The following PTPN2 variants were observed in gnomAD, a reference collection of about 807,000 sequenced individuals.
PTPN2 encodes the protein tyrosine-protein phosphatase non-receptor type 2.
In PTPN2, 19 loss-of-function variants were observed where a neutral mutation model predicts 57.3. The ratio of observed to expected loss-of-function variants is 0.33; its 90% CI spans 0.23 to 0.49. PTPN2 has a LOEUF of 0.49. Among genes scored for constraint, PTPN2 ranks in the 20% least tolerant of loss-of-function variants. PTPN2 has a pLI of 0.99. For synonymous variants in PTPN2, 153 were observed against 164.9 expected, an observed-to-expected ratio of 0.93 and a Z score of 0.55; for missense variants, 358 against 501.1, an observed-to-expected ratio of 0.71 and a Z score of 2.73.
chr18:12,805,887 C>CA (rs2041631513), intron 7 of PTPN2, among the ~76,000 whole-genome samples: 1 of 152,124 alleles, frequency 6.6e-6, no homozygotes, highest in South Asian at 2.1e-4. Flanking sequence ...CTCAGCCCCC[C>CA]AAAGTGCTGG....
Position 12,794,220 on chromosome 18 carries a change from T to C in PTPN2, c.*58A>G. On this transcript the variant is annotated 3_prime_UTR_variant, in exon 9 of 9. Transcript: ENST00000309660. ...GGCGTTTGCTGCAGACAAACCCCTA[T>C]GATTAATGTAGCACTGTCAGTTACT... The C allele has an allele frequency of 6.2e-7, 1 of 1,604,806 alleles. No homozygotes were observed. Among genetic ancestry groups the C allele is most frequent in the South Asian group, 1.1e-5 (1 of 89,846 alleles).
chr18:12,797,341 C>T (rs1435584563), intron 8 of PTPN2, among the ~76,000 whole-genome samples: 9 of 151,790 alleles, frequency 5.9e-5, no homozygotes, highest in Non-Finnish European at 1.2e-4. Context: ...TTGTCATTTA[C>T]CATACAAGCC....
chr18:12,798,012 C>G lies in PTPN2; in HGVS notation c.1041-3527G>C, dbSNP rs540026506. ...GAGTGTTGGGATTACAGGCATGAGCCACTCTGCCTGCTCCAGACTTTTCGT... is the reference window on the plus strand; with the variant it reads ...GAGTGTTGGGATTACAGGCATGAGCGACTCTGCCTGCTCCAGACTTTTCGT... On this transcript the variant is annotated intron_variant, in intron 8 of 8. Coordinates refer to ENST00000309660, the MANE Select transcript of PTPN2 (RefSeq NM_002828.4). Among the ~76,000 whole-genome samples, 11 of 152,290 alleles carry G rather than the reference C, an allele frequency of 7.2e-5. No individual in the cohort carries two copies. The South Asian group carries it at 2.3e-3, about 32-fold the overall frequency.
chr18:12,881,828 C>A (rs1380621649), intron 1 of PTPN2, among the ~76,000 whole-genome samples: 1 of 152,220 alleles, frequency 6.6e-6, no homozygotes, highest in Non-Finnish European at 1.5e-5. Context: ...ACATGTATCA[C>A]TTTAACGTTT....
At chr18:12,870,775 C>G (rs974568805) in intron 1 of PTPN2, among the ~76,000 whole-genome samples, 2 of 151,806 alleles carry the variant, frequency 1.3e-5, no homozygotes, top group Non-Finnish European at 2.9e-5. Flanking sequence ...TCCCAAAGTG[C>G]TGAGATTACA....
intron 2 of PTPN2, chr18:12,841,018 T>A: frequency 7.3e-7 from 1 of 1,378,814 alleles, no homozygotes; most frequent in Non-Finnish European, 9.5e-7. Flanking sequence ...CCTATAGGGA[T>A]CTAAAGGTAA....
chr18:12,813,045 G>A (rs1313817601), intron 7 of PTPN2, among the ~76,000 whole-genome samples: 1 of 151,264 alleles, frequency 6.6e-6, no homozygotes, highest in Non-Finnish European at 1.5e-5. Flanking sequence ...GCAGTGGTAG[G>A]AAAGACACAA....
chr18:12,883,882 T>C (rs1342604608), intron 1 of PTPN2, 191 bp downstream of exon 1: 1 of 507,018 alleles, frequency 2.0e-6, no homozygotes, highest in African/African-American at 2.1e-5. Flanking sequence ...TTTTTTTTTT[T>C]TTTTTTTAAA....
At chr18:12,828,350 A>G (rs1237778651) in intron 4 of PTPN2, among the ~76,000 whole-genome samples, 1 of 152,254 alleles carries the variant, frequency 6.6e-6, no homozygotes, top group Non-Finnish European at 1.5e-5. Context: ...TTGTAGAACT[A>G]AGAGTCTACA....
chr18:12,883,829 AC>A (rs1381691127), intron 1 of PTPN2: 2 of 373,320 alleles, frequency 5.4e-6, no homozygotes, highest in African/African-American at 4.3e-5. Flanking sequence ...TCCAGAACTA[AC>A]TGCGCTTGCG....
chr18:12,880,014 C>G (rs2044615769), intron 1 of PTPN2, among the ~76,000 whole-genome samples: 1 of 152,180 alleles, frequency 6.6e-6, no homozygotes, highest in Non-Finnish European at 1.5e-5. Context: ...TCATTTGCTG[C>G]TGTATGACAT....
intron 8 of PTPN2, among the ~76,000 whole-genome samples, chr18:12,801,170 G>C (rs770614499): frequency 5.3e-5 from 8 of 152,162 alleles, no homozygotes; most frequent in Non-Finnish European, 8.8e-5. Flanking sequence ...AGCTCCTTAA[G>C]AACACCTTTG....
At chr18:12,836,961 C>T (rs1320592536) in intron 2 of PTPN2, 70 bp from the exon 3 acceptor site, 10 of 896,510 alleles carry the variant, frequency 1.1e-5, no homozygotes, top group Non-Finnish European at 1.7e-5. Context: ...TATTAATATT[C>T]TAGGTATTTA....
chr18:12,870,358 TATATGTGTATATATACATATATATAC>T lies in PTPN2; in HGVS notation c.70-11130_70-11105del, dbSNP rs1568168940. On this transcript the variant is annotated intron_variant, in intron 1 of 8. Transcript: ENST00000309660. Reference sequence around the variant, plus strand: ...ATATATATACATATATATGTGTATATATATGTGTATATATACATATATATACGTATATATGTATATATACACGTATA... The same window carrying T: ...ATATATATACATATATATGTGTATATGTATATATGTATATATACACGTATA... Among the ~76,000 whole-genome samples, 55 of 45,112 alleles carry T rather than the reference TATATGTGTATATATACATATATATAC, an allele frequency of 1.2e-3. 4 individuals are homozygous for T. The highest frequency in any genetic ancestry group is 3.4e-4 in the Non-Finnish European group (9 of 26,090). 29.6% of individuals were successfully genotyped at this position (45,112 alleles called of 152,430 possible).
At chr18:12,787,475 G>A (rs540017810), downstream of PTPN2, 6 of 152,310 alleles carry the variant, frequency 3.9e-5, no homozygotes, top group East Asian at 9.6e-4. Context: ...ATTTAAGCTG[G>A]CTGGCAGAAT....
In PTPN2 at chr18:12,823,795, G is replaced by A. The variant is rs543718115; in HGVS notation, c.495+2015C>T. Among the ~76,000 whole-genome samples the A allele has an allele frequency of 3.8e-4, 58 of 151,982 alleles. 1 individual carries two copies. Among genetic ancestry groups the A allele is most frequent in the Non-Finnish European group, 2.9e-4 (20 of 67,970 alleles). On this transcript the variant is annotated intron_variant, in intron 5 of 8. Coordinates refer to ENST00000309660, the MANE Select transcript of PTPN2 (RefSeq NM_002828.4). ...TATTATTTTTTATAATATAAAATAC[G>A]GGGATAATAAGAATATTTACACTAT...
chr18:12,822,239 A>G (rs1330677058), intron 5 of PTPN2, among the ~76,000 whole-genome samples: 7 of 152,178 alleles, frequency 4.6e-5, no homozygotes, highest in Non-Finnish European at 1.0e-4. Flanking sequence ...GCTAAGCATC[A>G]TAATAATTAG....
At chr18:12,813,999 A>G (rs138600867) in intron 7 of PTPN2, among the ~76,000 whole-genome samples, 15 of 152,352 alleles carry the variant, frequency 9.8e-5, no homozygotes, top group Non-Finnish European at 2.2e-4. Context: ...AGGGCTTTTA[A>G]GTAACACACA....
intron 1 of PTPN2, among the ~76,000 whole-genome samples, chr18:12,882,940 A>C (rs1046080019): frequency 6.6e-6 from 1 of 152,254 alleles, no homozygotes; most frequent in Non-Finnish European, 1.5e-5. Context: ...ATAATACGAC[A>C]AGGATTAAAC....
Sources: gnomAD v4.1 joint callset for allele counts (sites outside exome capture counted in the v4.1 genomes callset) on GRCh38, gnomAD v4.1.1 for gene constraint, MANE v1.5 for transcripts, NCBI Gene and HGNC (gene_info 2026-07-23, HGNC 2026-07-21) for gene names.